The following COMMD1 variants were observed in gnomAD, a reference collection of about 807,000 sequenced individuals.
COMMD1 encodes COMM domain-containing protein 1.
In COMMD1, 10 loss-of-function variants were observed where a neutral mutation model predicts 17.2. That is an observed-to-expected ratio of 0.58 (90% confidence interval 0.36 to 0.99). The LOEUF (loss-of-function observed/expected upper bound fraction) is 0.99, where lower values mean the gene tolerates loss of function less well. Ranked by LOEUF, COMMD1 falls within the 50% of genes least tolerant of loss-of-function variation. COMMD1 has a pLI of 0.01. For missense variants in COMMD1, 270 were observed against 231.8 expected (o/e 1.17, Z -1.07); for synonymous variants, 97 against 91.6 (o/e 1.06, Z -0.34).
intron 1 of COMMD1, among the ~76,000 whole-genome samples, chr2:61,991,039 C>T (rs997328647): frequency 6.6e-6 from 1 of 151,420 alleles, no homozygotes; most frequent in Non-Finnish European, 1.5e-5. Context: ...TGTAGTGAGC[C>T]GTGATTGTGC....
intron 1 of COMMD1, among the ~76,000 whole-genome samples, chr2:61,907,651 C>T (rs576598274): frequency 1.3e-5 from 2 of 152,198 alleles, no homozygotes; most frequent in South Asian, 2.1e-4. Context: ...GGAGATAAAA[C>T]AGCAGGATAC....
chr2:62,020,944 G>A (rs1200941457), intron 2 of COMMD1, among the ~76,000 whole-genome samples: 5 of 151,840 alleles, frequency 3.3e-5, no homozygotes, highest in South Asian at 2.1e-4. Context: ...CAGAGGTTGC[G>A]GTGAGCCGAG....
chr2:61,937,989 A>T (rs973060464), intron 1 of COMMD1, among the ~76,000 whole-genome samples: 2 of 152,036 alleles, frequency 1.3e-5, no homozygotes, highest in Non-Finnish European at 2.9e-5. Context: ...TAGAGGGAGG[A>T]TGCCTGTATA....
At chr2:61,905,584 T>C, upstream of COMMD1, 3 of 1,294,416 alleles carry the variant, frequency 2.3e-6, no homozygotes, top group Non-Finnish European at 3.1e-6. Flanking sequence ...TTCCCCGAGG[T>C]TCCCCGTGGT....
At chr2:61,975,118 CTTTTTTTTTTT>C in intron 1 of COMMD1, among the ~76,000 whole-genome samples, 5 of 80,156 alleles carry the variant, frequency 6.2e-5, no homozygotes, top group Admixed American at 3.4e-4. Flanking sequence ...TCATTTCTTT[CTTTTTTTTTTT>C]TTTTTTTTTT....
intron 2 of COMMD1, among the ~76,000 whole-genome samples, chr2:62,052,893 ACTCCGTCT>A (rs1670579465): frequency 2.0e-5 from 3 of 151,948 alleles, no homozygotes; most frequent in Non-Finnish European, 4.4e-5. Context: ...ACATGACAAA[ACTCCGTCT>A]CTACCAAAAG....
exon 1 of COMMD1, chr2:61,888,731 G>A: frequency 1.8e-6 from 1 of 544,704 alleles, no homozygotes; most frequent in Non-Finnish European, 3.2e-6. Context: ...GAGGATGCGT[G>A]CGGTGGGCTC....
intron 2 of COMMD1, among the ~76,000 whole-genome samples, chr2:62,017,780 A>G (rs1028548181): frequency 4.6e-5 from 7 of 151,956 alleles, no homozygotes; most frequent in African/African-American, 1.4e-4. Context: ...GCTCACGCCT[A>G]TAATACCAGC....
At chr2:61,897,487 A>G (rs1304783573) in intron 1 of COMMD1, among the ~76,000 whole-genome samples, 2 of 152,312 alleles carry the variant, frequency 1.3e-5, no homozygotes, top group African/African-American at 2.4e-5. Flanking sequence ...ATGGTTAAGT[A>G]TAAAAATTGG....
intron 2 of COMMD1, among the ~76,000 whole-genome samples, chr2:62,020,578 T>C (rs574839188): frequency 1.3e-5 from 2 of 152,242 alleles, no homozygotes; most frequent in East Asian, 1.9e-4. Context: ...CAAAACCTTA[T>C]GGGTCTCCTG....
intron 1 of COMMD1, among the ~76,000 whole-genome samples, chr2:61,934,617 A>C (rs557915083): frequency 6.6e-6 from 1 of 152,316 alleles, no homozygotes; most frequent in East Asian, 1.9e-4. Flanking sequence ...AAAAATTTCA[A>C]TTAATTCAAT....
intron 2 of COMMD1, among the ~76,000 whole-genome samples, chr2:62,048,985 A>G (rs372813943): frequency 1.4e-4 from 22 of 152,270 alleles, no homozygotes; most frequent in Non-Finnish European, 2.6e-4. Flanking sequence ...TCATAGTCTT[A>G]ATAATTTTTA....
At chr2:61,905,587 C>T (rs1669748649), upstream of COMMD1, 4 of 1,319,836 alleles carry the variant, frequency 3.0e-6, no homozygotes, top group South Asian at 1.5e-5. Context: ...CCCGAGGTTC[C>T]CCGTGGTGGT....
intron 1 of COMMD1, among the ~76,000 whole-genome samples, chr2:61,954,875 G>A (rs553407181): frequency 6.6e-6 from 1 of 152,172 alleles, no homozygotes; most frequent in South Asian, 2.1e-4. Context: ...GGGTTTCACC[G>A]TGTTGCCCAG....
intron 1 of COMMD1, among the ~76,000 whole-genome samples, chr2:61,978,364 G>C (rs1573024858): frequency 6.7e-6 from 1 of 149,574 alleles, no homozygotes; most frequent in Admixed American, 6.6e-5. Flanking sequence ...ATTAATGGTT[G>C]TACAAATGTG....
chr2:62,063,895 A>ATATATATATATATG, intron 2 of COMMD1, among the ~76,000 whole-genome samples: 1 of 134,708 alleles, frequency 7.4e-6, no homozygotes, highest in Non-Finnish European at 1.6e-5. Context: ...ATATATATAT[A>ATATATATATATATG]TATTAGCCAG....
At chr2:61,958,798 A>G (rs1671264380) in intron 1 of COMMD1, among the ~76,000 whole-genome samples, 1 of 152,146 alleles carries the variant, frequency 6.6e-6, no homozygotes, top group South Asian at 2.1e-4. Flanking sequence ...GTATTTATTT[A>G]TAATGACTTT....
intron 1 of COMMD1, among the ~76,000 whole-genome samples, chr2:61,920,416 T>C (rs923561931): frequency 1.3e-5 from 2 of 152,122 alleles, no homozygotes; most frequent in Non-Finnish European, 1.5e-5. Flanking sequence ...AACATACTTT[T>C]TTTTTTTTTT....
intron 1 of COMMD1, among the ~76,000 whole-genome samples, chr2:61,936,761 T>C (rs1670616909): frequency 6.6e-6 from 1 of 152,172 alleles, no homozygotes; most frequent in Non-Finnish European, 1.5e-5. Context: ...GTATTTATAT[T>C]AATAACATTT....
Sources: allele counts gnomAD v4.1 joint callset (sites outside exome capture counted in the v4.1 genomes callset), GRCh38; gene constraint gnomAD v4.1.1; transcripts MANE v1.5; gene names NCBI Gene and HGNC (gene_info 2026-07-23, HGNC 2026-07-21).